HIPK2: variants seen among roughly 807,000 people sequenced by gnomAD.
HIPK2 encodes the protein homeodomain interacting protein kinase 2, also known as homeodomain-interacting protein kinase 2.
In HIPK2, 27 loss-of-function variants were observed where a neutral mutation model predicts 113.7. That is an observed-to-expected ratio of 0.24 (90% CI 0.17 to 0.33). The LOEUF (loss-of-function observed/expected upper bound fraction) is 0.33, where lower values mean the gene tolerates loss of function less well. HIPK2 is among the 10% of genes least tolerant of loss of function. The pLI, the probability that HIPK2 is intolerant of heterozygous loss-of-function variation, is 1.00. For missense variants in HIPK2, 1,257 were observed against 1,588.0 expected (o/e 0.79, Z 3.54); for synonymous variants, 631 against 642.2 (o/e 0.98, Z 0.26).
At position 139,600,581 on chromosome 7, in the gene HIPK2, G is replaced by A. The variant is rs144631225; in HGVS notation, c.2271C>T (p.His757=). The change falls in exon 11 of 15, where the codon CAC becomes CAT. Residue 757 remains histidine, a synonymous_variant. Transcript: ENST00000406875. ...GCATGATGGGATTATAATGGCTTCC[G>A]TGAGCATGCGTATTTCTGAAAGGCA... ...QLADWRNTHA[H]GSHYNPIMQQ... 15 of 1,613,886 alleles carry A rather than the reference G, an allele frequency of 9.3e-6. No individual in the cohort carries two copies. The highest frequency in any genetic ancestry group is 1.7e-4 in the Middle Eastern group (1 of 6,054).
chr7:139,626,505 T>C, intron 6 of HIPK2, 96 bp downstream of exon 6: 1 of 1,334,868 alleles, frequency 7.5e-7, no homozygotes, highest in Middle Eastern at 2.0e-4. Context: ...GAGTAGTTGT[T>C]ACCAAGACCT....
intron 2 of HIPK2, among the ~76,000 whole-genome samples, chr7:139,715,306 G>A (rs1480571203): frequency 1.3e-5 from 2 of 152,152 alleles, no homozygotes; most frequent in Non-Finnish European, 2.9e-5. Context: ...CCTTACCACA[G>A]GAGCCACCCA....
At chr7:139,756,888 T>C (rs1320891659) in intron 1 of HIPK2, among the ~76,000 whole-genome samples, 1 of 152,236 alleles carries the variant, frequency 6.6e-6, no homozygotes, top group African/African-American at 2.4e-5. Flanking sequence ...TAGCACTTTA[T>C]TGTTAACTGT....
chr7:139,675,906 T>C (rs910941402), intron 2 of HIPK2, among the ~76,000 whole-genome samples: 2 of 152,180 alleles, frequency 1.3e-5, no homozygotes, highest in Non-Finnish European at 2.9e-5. Context: ...ATACTCCTAA[T>C]TGGTTTTCTC....
At chr7:139,595,020 A>T (rs1799153209) in intron 12 of HIPK2, among the ~76,000 whole-genome samples, 1 of 151,962 alleles carries the variant, frequency 6.6e-6, no homozygotes, top group Non-Finnish European at 1.5e-5. Context: ...CAGCTCTCTG[A>T]CTGGTGGAGA....
chr7:139,759,875 T>G (rs1197084737), intron 1 of HIPK2, among the ~76,000 whole-genome samples: 2 of 152,200 alleles, frequency 1.3e-5, no homozygotes, highest in South Asian at 2.1e-4. Context: ...GTTCACAGGT[T>G]AAGACTTCAT....
In HIPK2 at chr7:139,777,809, C is replaced by T. The variant is rs1257336805; in HGVS notation, c.-186G>A. The T allele has an allele frequency of 8.2e-6, 2 of 243,780 alleles. No individual in the cohort carries two copies. Among genetic ancestry groups the T allele is most frequent in the Non-Finnish European group, 1.3e-5 (2 of 158,400 alleles). The allele number at this position is 243,780 out of a possible 1,614,324, so 15.1% of individuals were successfully genotyped here. On this transcript the variant is annotated 5_prime_UTR_variant, in exon 1 of 15. Coordinates refer to ENST00000406875, the MANE Select transcript of HIPK2 (RefSeq NM_022740.5). ...CGCCGGGGGAGGGGGCCGGGCGCGC[C>T]GCCGCCGCCGCCGCCGCCGCTGCCG...
chr7:139,716,434 C>T lies in HIPK2; in HGVS notation c.601G>A (p.Val201Ile). 1 of 1,613,956 alleles carries T rather than the reference C, an allele frequency of 6.2e-7. No individual in the cohort carries two copies. Among genetic ancestry groups the T allele is most frequent in the Admixed American group, 1.7e-5 (1 of 60,016 alleles). Residue 201 changes from valine to isoleucine, a missense_variant, in exon 2 of 15, where the codon GTC (valine) becomes ATC (isoleucine). Coordinates refer to ENST00000406875, the MANE Select transcript of HIPK2 (RefSeq NM_022740.5). The surrounding 1 kb of genome is among the most constrained non-coding windows in gnomAD (Gnocchi z 9.3). ...GTCCCTCGGCCCAAGAACTCTAAGA[C>T]CTCGTAGGTGTTGGTCATGGAGCAC... is the stretch of plus-strand genomic sequence containing the variant. ...VLCSMTNTYE[V>I]LEFLGRGTFG...
At chr7:139,759,703 T>C (rs1448308531) in intron 1 of HIPK2, among the ~76,000 whole-genome samples, 1 of 152,160 alleles carries the variant, frequency 6.6e-6, no homozygotes, top group African/African-American at 2.4e-5. Flanking sequence ...ATGTTATCCT[T>C]TGTGTAAGGG....
chr7:139,677,284 T>C (rs1253736557), intron 2 of HIPK2, among the ~76,000 whole-genome samples: 1 of 149,348 alleles, frequency 6.7e-6, no homozygotes, highest in East Asian at 1.9e-4. Context: ...CACACACATA[T>C]ATACACATTT....
At chr7:139,633,157 A>G (rs1800682878) in intron 2 of HIPK2, among the ~76,000 whole-genome samples, 1 of 151,632 alleles carries the variant, frequency 6.6e-6, no homozygotes, top group Non-Finnish European at 1.5e-5. Flanking sequence ...TGATAATGAA[A>G]TGCATTAGCC....
chr7:139,685,377 G>C (rs1023613182), intron 2 of HIPK2, among the ~76,000 whole-genome samples: 1 of 151,998 alleles, frequency 6.6e-6, no homozygotes, highest in Non-Finnish European at 1.5e-5. Flanking sequence ...TGCCCAGGCT[G>C]GTCTCAAACT....
intron 2 of HIPK2, among the ~76,000 whole-genome samples, chr7:139,691,363 T>C (rs751412271): frequency 6.6e-6 from 1 of 152,212 alleles, no homozygotes; most frequent in Non-Finnish European, 1.5e-5. Flanking sequence ...GAAAGTTCAG[T>C]GTTCATATCT....
chr7:139,596,329 T>C (rs1799211517), intron 12 of HIPK2, among the ~76,000 whole-genome samples: 1 of 152,234 alleles, frequency 6.6e-6, no homozygotes, highest in African/African-American at 2.4e-5. Flanking sequence ...CTTCGTATTC[T>C]GAGTGAGCCA....
chr7:139,584,216 G>A (rs1798762364), intron 12 of HIPK2, 152 bp from the exon 13 acceptor site: 2 of 518,146 alleles, frequency 3.9e-6, no homozygotes, highest in Non-Finnish European at 5.0e-6. Flanking sequence ...GGGAGACTGG[G>A]CATGCAAAAG....
intron 2 of HIPK2, among the ~76,000 whole-genome samples, chr7:139,680,272 C>T (rs1007095571): frequency 6.6e-6 from 1 of 152,228 alleles, no homozygotes; most frequent in African/African-American, 2.4e-5. Flanking sequence ...CTGTTTCCCA[C>T]ATGGAATCAC....
chr7:139,697,881 T>A (rs897683890), intron 2 of HIPK2, among the ~76,000 whole-genome samples: 36 of 150,966 alleles, frequency 2.4e-4, no homozygotes, highest in Admixed American at 1.9e-3. Flanking sequence ...TTTTTTTTTT[T>A]TTTTTTGAGA....
At chr7:139,705,477 T>C (rs182152225) in intron 2 of HIPK2, among the ~76,000 whole-genome samples, 45 of 152,040 alleles carry the variant, frequency 3.0e-4, no homozygotes, top group African/African-American at 1.0e-3. Context: ...CCTGGGTTCA[T>C]GCCATTCTCC....
chr7:139,736,072 A>T (rs952328731), intron 1 of HIPK2, among the ~76,000 whole-genome samples: 7 of 152,026 alleles, frequency 4.6e-5, no homozygotes, highest in Non-Finnish European at 8.8e-5. Context: ...GAGTCACAGG[A>T]GGTGGCTGAG....
Sources: gnomAD v4.1 joint callset for allele counts (sites outside exome capture counted in the v4.1 genomes callset) on GRCh38, gnomAD v4.1.1 for gene constraint, Gnocchi (gnomAD v3.1) non-coding constraint, MANE v1.5 for transcripts, NCBI Gene and HGNC (gene_info 2026-07-23, HGNC 2026-07-21) for gene names.